The following ANXA3 variants were observed in gnomAD, a reference collection of about 807,000 sequenced individuals.
The protein encoded by ANXA3 is 35-alpha calcimedin.
In ANXA3, 46 loss-of-function variants were observed where a neutral mutation model predicts 48.8. The ratio of observed to expected loss-of-function variants is 0.94; its 90% CI spans 0.74 to 1.21. ANXA3 has a LOEUF of 1.21. Ranked by LOEUF, ANXA3 falls within the 50% of genes most tolerant of loss-of-function variation. The pLI, the probability that ANXA3 is intolerant of heterozygous loss-of-function variation, is 0.00. For missense variants in ANXA3, 383 were observed against 378.6 expected, an observed-to-expected ratio of 1.01 and a Z score of -0.10; for synonymous variants, 128 against 134.7, an observed-to-expected ratio of 0.95 and a Z score of 0.35.
chr4:78,582,249 C>A lies in ANXA3; in HGVS notation c.271C>A (p.Pro91Thr). The A allele has an allele frequency of 1.2e-6, 2 of 1,613,570 alleles. No individual in the cohort carries two copies. Among genetic ancestry groups the A allele is most frequent in the Non-Finnish European group, 1.7e-6 (2 of 1,179,540 alleles). Residue 91 changes from proline to threonine, a missense_variant, in exon 5 of 13, where the codon CCA becomes ACA. Physicochemically the swap from Pro to Thr is conservative, Grantham distance 38. Coordinates refer to ENST00000264908, the MANE Select transcript of ANXA3 (RefSeq NM_005139.3). ...TCTCATGGTGGCCCTAGTGACTCCA[C>A]CAGCAGTCTTTGATGCAAAGCAGCT... Reference protein sequence around the residue: ...EHLMVALVTPPAVFDAKQLKK... With the variant: ...EHLMVALVTPTAVFDAKQLKK...
At chr4:78,555,243 A>G (rs930100649) in intron 2 of ANXA3, among the ~76,000 whole-genome samples, 7 of 152,188 alleles carry the variant, frequency 4.6e-5, no homozygotes, top group African/African-American at 1.7e-4. Flanking sequence ...GAATGGATTG[A>G]AGAATATTCT....
chr4:78,578,212 T>C (rs898660479), intron 3 of ANXA3, among the ~76,000 whole-genome samples: 3 of 141,944 alleles, frequency 2.1e-5, no homozygotes, highest in African/African-American at 8.0e-5. Context: ...ACCCGGGAGG[T>C]GGTGGTTGCA....
chr4:78,587,128 T>A (rs948852761), intron 6 of ANXA3, among the ~76,000 whole-genome samples: 4 of 152,220 alleles, frequency 2.6e-5, no homozygotes, highest in African/African-American at 9.6e-5. Context: ...AAGGGTCCAG[T>A]GGAAGCTTCC....
intron 3 of ANXA3, among the ~76,000 whole-genome samples, chr4:78,574,658 T>C (rs1722911381): frequency 6.6e-6 from 1 of 152,232 alleles, no homozygotes; most frequent in Non-Finnish European, 1.5e-5. Flanking sequence ...CTTAACATTA[T>C]GTTTTTGAGA....
intron 2 of ANXA3, among the ~76,000 whole-genome samples, chr4:78,566,962 C>A (rs745373296): frequency 3.3e-5 from 5 of 152,212 alleles, no homozygotes; most frequent in African/African-American, 9.7e-5. Context: ...GGGATCCCAG[C>A]GTCTGCCAGT....
chr4:78,597,283 C>A lies in ANXA3; in HGVS notation c.635-36C>A, dbSNP rs76109076. On this transcript the variant is annotated intron_variant, in intron 9 of 12. Transcript: ENST00000264908. ...GAATATATTCAAATGTGCTCAACTGCGTTGCTTTAAATAATTTTGTGGTGC... is the reference window on the plus strand; with the variant it reads ...GAATATATTCAAATGTGCTCAACTGAGTTGCTTTAAATAATTTTGTGGTGC... The A allele has an allele frequency of 3.7e-3, 5,017 of 1,351,268 alleles. 239 individuals carry two copies. In the East Asian group the frequency reaches 0.11, roughly 29 times the overall value. 83.7% of individuals were successfully genotyped at this position (1,351,268 alleles called of 1,614,324 possible). A position where few individuals can be genotyped will look rare whatever the true frequency, so the allele number is the denominator to read the frequency against.
chr4:78,600,753 G>A (rs1490552345), intron 10 of ANXA3, among the ~76,000 whole-genome samples: 1 of 152,098 alleles, frequency 6.6e-6, no homozygotes, highest in Non-Finnish European at 1.5e-5. Flanking sequence ...CCTACCTAGA[G>A]ATCAGATTTA....
At chr4:78,596,993 A>T in intron 9 of ANXA3, 1 of 210,216 alleles carries the variant, frequency 4.8e-6, no homozygotes, top group South Asian at 7.6e-5. Flanking sequence ...TGCTATAAAT[A>T]AAATTTAAAA....
chr4:78,568,202 C>T (rs1722769789), intron 2 of ANXA3, among the ~76,000 whole-genome samples: 1 of 152,198 alleles, frequency 6.6e-6, no homozygotes. Context: ...CACTTGACTG[C>T]ATTTTATTTC....
chr4:78,579,033 A>G lies in ANXA3; in HGVS notation c.110A>G (p.Asp37Gly), dbSNP rs750201728. ...IQKAIRGIGT[D>G]EKMLISILTE... ...TAACTTTTGTTTCATTTAGGAACTG[A>G]TGAGAAAATGCTCATCAGCATTCTG... The change falls in exon 4 of 13, where the codon GAT becomes GGT. Residue 37 changes from aspartate (D) to glycine (G), a missense_variant. By Grantham distance (94) the Asp-to-Gly change is moderately conservative. Coordinates refer to ENST00000264908, the MANE Select transcript of ANXA3 (RefSeq NM_005139.3). The G allele has an allele frequency of 1.9e-6, 3 of 1,608,558 alleles. No individual in the cohort carries two copies. Among genetic ancestry groups the G allele is most frequent in the Non-Finnish European group, 2.6e-6 (3 of 1,175,332 alleles).
intron 4 of ANXA3, among the ~76,000 whole-genome samples, chr4:78,581,797 GAC>G (rs545206395): frequency 8.0e-4 from 122 of 152,286 alleles, no homozygotes; most frequent in African/African-American, 2.7e-3. Context: ...TGAGAGGCAA[GAC>G]ACCGAGGAAG....
intron 12 of ANXA3, among the ~76,000 whole-genome samples, chr4:78,608,086 G>A (rs900236111): frequency 4.6e-5 from 7 of 152,210 alleles, no homozygotes; most frequent in Non-Finnish European, 8.8e-5. Context: ...ATTATCAAAT[G>A]CATATTATGT....
At chr4:78,568,184 A>G (rs1201568663) in intron 2 of ANXA3, among the ~76,000 whole-genome samples, 1 of 152,198 alleles carries the variant, frequency 6.6e-6, no homozygotes, top group African/African-American at 2.4e-5. Context: ...AACCCATAAC[A>G]CCTGCCTCAC....
intron 6 of ANXA3, among the ~76,000 whole-genome samples, chr4:78,589,865 C>A (rs1723254482): frequency 6.6e-6 from 1 of 152,134 alleles, no homozygotes. Flanking sequence ...GATCTAAATT[C>A]TTAACTTTTT....
rs1723602638 is a variant in ANXA3, at chr4:78,604,275, A to AGGGTATT, written c.791_797dup. The stretch of plus-strand genomic sequence containing the variant: ...GTTGTGAACACCTGCATTCCTTAAC[A>AGGGTATT]GGGTATTGGAACTGATGAGTTTACT... On this transcript the variant is annotated splice_acceptor_variant, in intron 11 of 12. Coordinates refer to ENST00000264908, the MANE Select transcript of ANXA3 (RefSeq NM_005139.3). LOFTEE classifies it high-confidence loss of function. The AGGGTATT allele has an allele frequency of 6.2e-7, 1 of 1,601,222 alleles. No individual in the cohort carries two copies.
intron 2 of ANXA3, among the ~76,000 whole-genome samples, chr4:78,555,173 C>G (rs767900337): frequency 6.6e-6 from 1 of 152,080 alleles, no homozygotes; most frequent in South Asian, 2.1e-4. Flanking sequence ...CCACTGCACT[C>G]CAGCCTGAGA....
In ANXA3 at chr4:78,601,568, G is replaced by A; in HGVS notation, c.789G>A (p.Lys263=). 1.9e-6 allele frequency: 3 copies of A among 1,613,776 alleles called. No individual in the cohort carries two copies. The highest frequency in any genetic ancestry group is 1.3e-5 in the African/African-American group (1 of 75,038). Residue 263 remains lysine (K), a splice_region_variant and synonymous_variant, in exon 11 of 13, where the codon AAG becomes AAA. Transcript: ENST00000264908. ...CCGAAAGACTGCATCGAGCCTTGAA[G>A]GTTGGTCTGGAAAGTTCATGTGCAT... ...FLAERLHRAL[K]GIGTDEFTLN... is the part of the protein sequence containing the mutation.
At chr4:78,588,044 C>T (rs529234224) in intron 6 of ANXA3, among the ~76,000 whole-genome samples, 3 of 152,212 alleles carry the variant, frequency 2.0e-5, no homozygotes, top group African/African-American at 7.2e-5. Context: ...TACAGTGAGC[C>T]GAGATGGTGC....
intron 5 of ANXA3, 187 bp downstream of exon 5, chr4:78,582,477 G>T (rs111805241): frequency 1.7e-5 from 8 of 481,320 alleles, no homozygotes; most frequent in African/African-American, 1.2e-4. Flanking sequence ...TTCCTGGGCT[G>T]GAAGAATTTT....
Sources: gnomAD v4.1 joint callset for allele counts (sites outside exome capture counted in the v4.1 genomes callset) on GRCh38, gnomAD v4.1.1 for gene constraint, MANE v1.5 for transcripts, NCBI Gene and HGNC (gene_info 2026-07-23, HGNC 2026-07-21) for gene names.